The following ASPHD2 variants were observed in gnomAD, a reference collection of about 807,000 sequenced individuals.
The protein encoded by ASPHD2 is aspartate beta-hydroxylase domain containing 2, also known as aspartate beta-hydroxylase domain-containing protein 2.
A neutral mutation model predicts 34.6 loss-of-function variants in ASPHD2; 12 were observed. The observed-to-expected ratio is 0.35, with a 90% CI of 0.22 to 0.56. The LOEUF (loss-of-function observed/expected upper bound fraction) is 0.56. ASPHD2 is among the 20% of genes least tolerant of loss of function. ASPHD2 has a pLI of 0.87. For missense variants in ASPHD2, 375 were observed against 505.0 expected, an observed-to-expected ratio of 0.74 and a Z score of 2.47; for synonymous variants, 224 against 212.2, an observed-to-expected ratio of 1.06 and a Z score of -0.48.
In ASPHD2 at chr22:26,433,598, C is replaced by T; in HGVS notation, c.-18C>T. 2 of 1,597,618 alleles carry T rather than the reference C, an allele frequency of 1.3e-6. No individual in the cohort carries two copies. The highest frequency in any genetic ancestry group is 1.7e-6 in the Non-Finnish European group (2 of 1,173,468). On this transcript the variant is annotated 5_prime_UTR_variant, in exon 2 of 4. Transcript: ENST00000215906. The surrounding 1 kb of genome is among the most constrained non-coding windows in gnomAD (Gnocchi z 5.1). ...CTCCCCCTGCCCCAGCCGCTCCTTCCCCCCCACGCTAATCTGCATGGTGTG... is the reference window on the plus strand; with the variant it reads ...CTCCCCCTGCCCCAGCCGCTCCTTCTCCCCCACGCTAATCTGCATGGTGTG...
chr22:26,434,164 A>C lies in ASPHD2; in HGVS notation c.549A>C (p.Ala183=). ...LPTTPYFSRD[A]QKHDVEVLER... ...CCACGCCCTATTTCTCCCGGGACGCACAGAAACATGATGTGGAAGTGCTGG... is the reference window on the plus strand; with the variant it reads ...CCACGCCCTATTTCTCCCGGGACGCCCAGAAACATGATGTGGAAGTGCTGG... The change falls in exon 2 of 4, where the codon GCA becomes GCC. Residue 183 remains alanine, a synonymous_variant. Coordinates refer to ENST00000215906, the MANE Select transcript of ASPHD2 (RefSeq NM_020437.5). 6.2e-7 allele frequency: 1 copy of C among 1,612,802 alleles called. No individual in the cohort carries two copies. The highest frequency in any genetic ancestry group is 1.3e-5 in the African/African-American group (1 of 74,972).
chr22:26,434,076 G>A lies in ASPHD2; in HGVS notation c.461G>A (p.Arg154Gln), dbSNP rs1250165420. The change falls in exon 2 of 4, where the codon CGG becomes CAG. Residue 154 changes from arginine (R) to glutamine (Q), a missense_variant. Transcript: ENST00000215906. ...CACAAGGGCATCCGCGAGCAGGGCC[G>A]GTACCTCAACAGCCGGCCCTCCATC... Reference protein sequence around the residue: ...RIHKGIREQGRYLNSRPSIQK... With the variant: ...RIHKGIREQGQYLNSRPSIQK... The A allele has an allele frequency of 1.9e-6, 3 of 1,613,324 alleles. No homozygotes were observed. Among genetic ancestry groups the A allele is most frequent in the South Asian group, 2.2e-5 (2 of 91,074 alleles).
In ASPHD2 at chr22:26,434,066, GAGCAGGGCC is replaced by G. The variant is rs1204929754; in HGVS notation, c.452_460del (p.Glu151_Arg154delinsGly). 6.2e-7 allele frequency: 1 copy of G among 1,613,284 alleles called. No homozygotes were observed. The highest frequency in any genetic ancestry group is 8.5e-7 in the Non-Finnish European group (1 of 1,179,934). ...GGGCCGCATCCACAAGGGCATCCGC[GAGCAGGGCC>G]GGTACCTCAACAGCCGGCCCTCCAT... On this transcript the variant is annotated inframe_deletion, in exon 2 of 4. Transcript: ENST00000215906.
chr22:26,443,284 C>T lies in ASPHD2; in HGVS notation c.*78C>T, dbSNP rs1381975698. On this transcript the variant is annotated 3_prime_UTR_variant, in exon 4 of 4. Coordinates refer to ENST00000215906, the MANE Select transcript of ASPHD2 (RefSeq NM_020437.5). ...GACTGTGGTCCGGTCCAGTCCCTAC[C>T]GGTGTTGTTTCCATGCTCAGAAACC... The T allele has an allele frequency of 8.9e-6, 11 of 1,232,994 alleles. No individual in the cohort carries two copies. The African/African-American group carries it at 1.0e-4, about 12-fold the overall frequency. 76.4% of individuals were successfully genotyped at this position (1,232,994 alleles called of 1,614,324 possible). A position where few individuals can be genotyped will look rare whatever the true frequency, so the allele number is the denominator to read the frequency against.
intron 2 of ASPHD2, among the ~76,000 whole-genome samples, chr22:26,441,663 C>T (rs1207087366): frequency 2.7e-5 from 4 of 150,596 alleles, no homozygotes; most frequent in East Asian, 2.0e-4. Context: ...CAGTGGCTCA[C>T]GCCTGTAATC....
At chr22:26,438,608 C>CATATATATACACATACATATATAT (rs2084814281) in intron 2 of ASPHD2, among the ~76,000 whole-genome samples, 1 of 128,994 alleles carries the variant, frequency 7.8e-6, no homozygotes, top group East Asian at 2.1e-4. Context: ...CACATATATA[C>CATATATATACACATACATATATAT]ATATATATAT....
Position 26,443,194 on chromosome 22 carries a change from T to C in ASPHD2, c.1098T>C (p.Ala366=). The C allele has an allele frequency of 6.2e-7, 1 of 1,613,996 alleles. No homozygotes were observed. Among genetic ancestry groups the C allele is most frequent in the Non-Finnish European group, 8.5e-7 (1 of 1,179,908 alleles). The change falls in exon 4 of 4, where the codon GCT becomes GCC. Residue 366 remains alanine, a synonymous_variant. Coordinates refer to ENST00000215906, the MANE Select transcript of ASPHD2 (RefSeq NM_020437.5). ...GGCAGGCTCTTGATTTCATCTTTGC[T>C]CCGGGACGATGAGAGTATTTCCCAT... The part of the protein sequence containing the change: ...AERQALDFIF[A]PGR
intron 2 of ASPHD2, 28 bp from the exon 3 acceptor site, chr22:26,442,431 A>T (rs1258174385): frequency 2.0e-6 from 3 of 1,516,712 alleles, no homozygotes; most frequent in African/African-American, 2.8e-5. Flanking sequence ...GCCTGCCTTC[A>T]CTCTCCTTTC....
chr22:26,441,313 CA>C (rs34240227), intron 2 of ASPHD2, among the ~76,000 whole-genome samples: 1 of 150,756 alleles, frequency 6.6e-6, no homozygotes, highest in East Asian at 2.0e-4. Context: ...CCCATCTTTA[CA>C]AAAAAAAGTT....
chr22:26,434,546 C>CTCAGCCCCTCTCCA (rs1253861477), intron 2 of ASPHD2, 45 bp downstream of exon 2: 28 of 1,514,332 alleles, frequency 1.8e-5, no homozygotes, highest in African/African-American at 2.8e-5. Context: ...CATTTGCAAG[C>CTCAGCCCCTCTCCA]TCAGCCCCTC....
At position 26,442,561 on chromosome 22, in the gene ASPHD2, C is replaced by T. The variant is rs779026402; in HGVS notation, c.989C>T (p.Ala330Val). 12 of 1,604,734 alleles carry T rather than the reference C, an allele frequency of 7.5e-6. 1 individual carries two copies. Among genetic ancestry groups the T allele is most frequent in the South Asian group, 6.7e-5 (6 of 89,986 alleles). The part of the protein sequence containing the change: ...LLFDDSFLHA[A>V]FHEGSAEDGP... ...TTTGATGACTCTTTCCTGCATGCTGCGTTCCATGAAGGTGAGTGGCTGCCT... is the reference window on the plus strand; with the variant it reads ...TTTGATGACTCTTTCCTGCATGCTGTGTTCCATGAAGGTGAGTGGCTGCCT... Residue 330 changes from alanine to valine, a missense_variant, in exon 3 of 4, where the codon GCG becomes GTG. Transcript: ENST00000215906.
rs769108385 is a variant in ASPHD2, at chr22:26,442,607, A to G, written c.1000+35A>G. 6.8e-6 allele frequency: 10 copies of G among 1,480,170 alleles called. No individual in the cohort carries two copies. The South Asian group carries it at 1.1e-4, about 16-fold the overall frequency. The allele number at this position is 1,480,170 out of a possible 1,614,324, so 91.7% of individuals were successfully genotyped here. On this transcript the variant is annotated intron_variant, in intron 3 of 3. Transcript: ENST00000215906. Reference sequence around the variant, plus strand: ...TGCCTTTCCCACTTCCTTTTTTTCAATGAATAGACTTTTATTTTTTTAGAG... The same window carrying G: ...TGCCTTTCCCACTTCCTTTTTTTCAGTGAATAGACTTTTATTTTTTTAGAG...
At chr22:26,438,094 C>T (rs549144248) in intron 2 of ASPHD2, among the ~76,000 whole-genome samples, 25 of 152,180 alleles carry the variant, frequency 1.6e-4, no homozygotes, top group African/African-American at 5.5e-4. Flanking sequence ...TGGCACGTGG[C>T]GATGAATCAT....
chr22:26,430,641 T>C (rs2084751088), intron 1 of ASPHD2, among the ~76,000 whole-genome samples: 1 of 152,228 alleles, frequency 6.6e-6, no homozygotes, highest in Non-Finnish European at 1.5e-5. Context: ...GAAGCAGTGC[T>C]TAATAAACTG....
chr22:26,432,227 T>C (rs1016501767), intron 1 of ASPHD2, among the ~76,000 whole-genome samples: 4 of 152,180 alleles, frequency 2.6e-5, no homozygotes, highest in Admixed American at 1.3e-4. Context: ...GGAAAAGCGA[T>C]CTGCCCAAGG....
intron 1 of ASPHD2, among the ~76,000 whole-genome samples, chr22:26,431,593 C>T (rs2084756642): frequency 6.6e-6 from 1 of 152,128 alleles, no homozygotes; most frequent in Admixed American, 6.5e-5. Context: ...AGCAAGTAGG[C>T]AGTTAATGAG....
intron 2 of ASPHD2, among the ~76,000 whole-genome samples, chr22:26,438,574 T>TATATATACATACATATATACAC (rs1568983999): frequency 1.4e-5 from 1 of 72,938 alleles, no homozygotes; most frequent in African/African-American, 4.2e-5. Context: ...TACACATACA[T>TATATATACATACATATATACAC]ATATATACAT....
In ASPHD2 at chr22:26,444,837, T is replaced by C. The variant is rs1179092456; in HGVS notation, c.*1631T>C. The C allele has an allele frequency of 1.3e-5, 2 of 152,264 alleles. No individual in the cohort carries two copies. The highest frequency in any genetic ancestry group is 6.5e-5 in the Admixed American group (1 of 15,290). 9.4% of individuals were successfully genotyped at this position (152,264 alleles called of 1,614,324 possible). A position where few individuals can be genotyped will look rare whatever the true frequency, so the allele number is the denominator to read the frequency against. ...AAAAGGCAGACATTTCAAACATACC[T>C]GAAGTCTTTTTACTCATTATCTTGT... is the stretch of plus-strand genomic sequence containing the variant. On this transcript the variant is annotated 3_prime_UTR_variant, in exon 4 of 4. Coordinates refer to ENST00000215906, the MANE Select transcript of ASPHD2 (RefSeq NM_020437.5).
Position 26,434,162 on chromosome 22 carries a change from G to T in ASPHD2, c.547G>T (p.Ala183Ser), listed in dbSNP as rs771541203. Residue 183 changes from alanine (A) to serine (S), a missense_variant, in exon 2 of 4, where the codon GCA (alanine) becomes TCA (serine). By Grantham distance (99) the Ala-to-Ser change is moderately conservative. Transcript: ENST00000215906. ...CACCACGCCCTATTTCTCCCGGGAC[G>T]CACAGAAACATGATGTGGAAGTGCT... ...LPTTPYFSRD[A>S]QKHDVEVLER... The T allele has an allele frequency of 2.5e-6, 4 of 1,612,336 alleles. No homozygotes were observed. The highest frequency in any genetic ancestry group is 3.4e-6 in the Non-Finnish European group (4 of 1,179,124).
Sources: allele counts gnomAD v4.1 joint callset (sites outside exome capture counted in the v4.1 genomes callset), GRCh38; gene constraint gnomAD v4.1.1; non-coding constraint Gnocchi (gnomAD v3.1); transcripts MANE v1.5; gene names NCBI Gene and HGNC (gene_info 2026-07-23, HGNC 2026-07-21).